MAGI1: variants seen among roughly 807,000 people sequenced by gnomAD.
MAGI1 encodes the protein membrane associated guanylate kinase, WW and PDZ domain containing 1.
In MAGI1, 58 loss-of-function variants were observed where a neutral mutation model predicts 139.9. That is an observed-to-expected ratio of 0.41 (90% CI 0.34 to 0.52). MAGI1 has a LOEUF of 0.52. Ranked by LOEUF, MAGI1 falls within the 20% of genes least tolerant of loss-of-function variation. MAGI1 has a pLI of 0.12. For missense variants in MAGI1, 1,874 were observed against 1,901.6 expected, an observed-to-expected ratio of 0.99 and a Z score of 0.27; for synonymous variants, 812 against 737.9, an observed-to-expected ratio of 1.10 and a Z score of -1.63.
intron 15 of MAGI1, 31 bp from the exon 16 acceptor site, chr3:65,382,100 T>TAGGAGAGCAATGTTTCA: frequency 6.5e-7 from 1 of 1,539,430 alleles, no homozygotes; most frequent in Non-Finnish European, 8.9e-7. Flanking sequence ...GGATGAAACA[T>TAGGAGAGCAATGTTTCA]TGCTCTCCTA....
intron 1 of MAGI1, among the ~76,000 whole-genome samples, chr3:65,802,522 C>CCT (rs1256738795): frequency 3.3e-5 from 5 of 152,022 alleles, no homozygotes; most frequent in Non-Finnish European, 7.4e-5. Context: ...ACTTCAAGGC[C>CCT]CTCTAAAAAT....
chr3:65,679,059 G>T (rs761055164), intron 1 of MAGI1, among the ~76,000 whole-genome samples: 31 of 151,686 alleles, frequency 2.0e-4, no homozygotes, highest in Non-Finnish European at 4.3e-4. Context: ...TTAATTTCTC[G>T]TCAGCTAAGC....
chr3:65,508,387 G>C (rs1396196780), intron 2 of MAGI1, among the ~76,000 whole-genome samples: 1 of 151,990 alleles, frequency 6.6e-6, no homozygotes, highest in Non-Finnish European at 1.5e-5. Flanking sequence ...CTGGGTGACA[G>C]AGTGAGACTC....
chr3:65,375,466 C>T (rs796714591), intron 18 of MAGI1, among the ~76,000 whole-genome samples: 26 of 152,248 alleles, frequency 1.7e-4, no homozygotes, highest in African/African-American at 3.9e-4. Context: ...GGATTACAGG[C>T]GTGAGCCACC....
intron 1 of MAGI1, among the ~76,000 whole-genome samples, chr3:65,842,082 T>C (rs2058826531): frequency 6.6e-6 from 1 of 152,292 alleles, no homozygotes; most frequent in South Asian, 2.1e-4. Context: ...CTCCACTATA[T>C]GAAGAGTATT....
chr3:65,501,453 CAA>C (rs35967662), intron 2 of MAGI1, among the ~76,000 whole-genome samples: 3 of 80,646 alleles, frequency 3.7e-5, no homozygotes, highest in African/African-American at 1.1e-4. Flanking sequence ...GACTCTGTCT[CAA>C]AAAAAAAAAA....
At chr3:65,802,934 T>C (rs79546229) in intron 1 of MAGI1, among the ~76,000 whole-genome samples, 3,655 of 149,480 alleles carry the variant, frequency 0.024, 112 homozygotes, top group Admixed American at 0.099. Context: ...AAACACAAAT[T>C]TCATCTCTAT....
At chr3:65,559,579 C>T (rs1238765612) in intron 2 of MAGI1, among the ~76,000 whole-genome samples, 1 of 152,100 alleles carries the variant, frequency 6.6e-6, no homozygotes, top group Non-Finnish European at 1.5e-5. Flanking sequence ...TACTGTGTGC[C>T]AGGGGCTACA....
At chr3:65,731,534 A>G (rs567563705) in intron 1 of MAGI1, among the ~76,000 whole-genome samples, 25 of 151,668 alleles carry the variant, frequency 1.6e-4, no homozygotes, top group African/African-American at 6.0e-4. Context: ...GCATGCCTGT[A>G]GTCCCAGCTA....
chr3:65,541,885 A>C (rs1330724393), intron 2 of MAGI1, among the ~76,000 whole-genome samples: 1 of 151,964 alleles, frequency 6.6e-6, no homozygotes, highest in Non-Finnish European at 1.5e-5. Flanking sequence ...CTCTCTCACC[A>C]CTCCTATTCA....
At chr3:65,519,379 CACACACAT>C (rs1199375205) in intron 2 of MAGI1, among the ~76,000 whole-genome samples, 4,991 of 44,696 alleles carry the variant, frequency 0.11, 107 homozygotes, top group Middle Eastern at 0.26. Context: ...CACACACACA[CACACACAT>C]ATATATAATT....
chr3:65,827,534 C>T (rs1361544363), intron 1 of MAGI1, among the ~76,000 whole-genome samples: 1 of 152,190 alleles, frequency 6.6e-6, no homozygotes, highest in Non-Finnish European at 1.5e-5. Flanking sequence ...ACTGCTCTTG[C>T]TCCGAAGCCC....
chr3:65,545,965 G>A lies in MAGI1; in HGVS notation c.431-52334C>T, dbSNP rs560884910. Among the ~76,000 whole-genome samples, 6 of 149,928 alleles carry A rather than the reference G, an allele frequency of 4.0e-5. No homozygotes were observed. In the South Asian group the frequency reaches 8.5e-4, roughly 21 times the overall value. On this transcript the variant is annotated intron_variant, in intron 2 of 22. Coordinates refer to ENST00000402939, the MANE Select transcript of MAGI1 (RefSeq NM_001033057.2). ...TTTAATTAGTACATGGGCATAATGG[G>A]GTATGATCTCACACACACACACACA...
At chr3:65,461,616 G>C (rs1337298553) in intron 5 of MAGI1, among the ~76,000 whole-genome samples, 1 of 151,130 alleles carries the variant, frequency 6.6e-6, no homozygotes, top group Non-Finnish European at 1.5e-5. Flanking sequence ...AGCCTCCCGA[G>C]TAGCTGGGAC....
chr3:65,726,625 T>C (rs996663812), intron 1 of MAGI1, among the ~76,000 whole-genome samples: 1 of 152,178 alleles, frequency 6.6e-6, no homozygotes, highest in Non-Finnish European at 1.5e-5. Flanking sequence ...TTGTCTTTTA[T>C]ACATACTGAT....
intron 1 of MAGI1, among the ~76,000 whole-genome samples, chr3:65,750,049 T>A (rs2036018140): frequency 6.6e-6 from 1 of 151,740 alleles, no homozygotes; most frequent in Non-Finnish European, 1.5e-5. Flanking sequence ...AGGCTCTGGT[T>A]AAGGGCAGGC....
chr3:65,533,275 C>A (rs1576222137), intron 2 of MAGI1, among the ~76,000 whole-genome samples: 1 of 152,232 alleles, frequency 6.6e-6, no homozygotes, highest in Non-Finnish European at 1.5e-5. Flanking sequence ...GTGGTAGACA[C>A]TGGAGAGATA....
intron 1 of MAGI1, among the ~76,000 whole-genome samples, chr3:65,650,048 T>C (rs146154341): frequency 1.3e-5 from 2 of 152,092 alleles, no homozygotes; most frequent in African/African-American, 2.4e-5. Context: ...AATGCAACAA[T>C]GTTGAGAGGT....
chr3:65,826,006 A>T (rs1463648062), intron 1 of MAGI1, among the ~76,000 whole-genome samples: 1 of 151,914 alleles, frequency 6.6e-6, no homozygotes, highest in Non-Finnish European at 1.5e-5. Flanking sequence ...TAATAATAAA[A>T]TTTTTGAATT....
Sources: allele counts gnomAD v4.1 joint callset (sites outside exome capture counted in the v4.1 genomes callset), GRCh38; gene constraint gnomAD v4.1.1; transcripts MANE v1.5; gene names NCBI Gene and HGNC (gene_info 2026-07-23, HGNC 2026-07-21).